The following PCDH11Y variants were observed in gnomAD, a reference collection of about 807,000 sequenced individuals.
PCDH11Y encodes protocadherin-11 Y-linked.
For missense variants in PCDH11Y, 12 were observed against 224.8 expected (o/e 0.05, Z 6.05); for synonymous variants, 9 against 83.6 (o/e 0.11, Z 4.87).
chrY:5,359,750 T>C, intron 2 of PCDH11Y, among the ~76,000 whole-genome samples: 1 of 32,882 alleles, frequency 3.0e-5, no homozygotes, highest in Non-Finnish European at 7.4e-5. Flanking sequence ...CCCATTTTAC[T>C]ATGAACTAAT....
chrY:5,399,251 CCT>C (rs2053229885), intron 2 of PCDH11Y, among the ~76,000 whole-genome samples: 2 of 32,508 alleles, frequency 6.2e-5, no homozygotes, highest in African/African-American at 2.4e-4. Flanking sequence ...CCACTTTTTC[CCT>C]CTGTTTTTGC....
intron 4 of PCDH11Y, among the ~76,000 whole-genome samples, chrY:5,704,720 C>T (rs2053581764): frequency 6.1e-5 from 2 of 32,791 alleles, no homozygotes; most frequent in South Asian, 6.8e-4. Flanking sequence ...TGAGCCACCG[C>T]GCCCGGCCAA....
At chrY:5,377,292 TAGTC>T (rs2053198464) in intron 2 of PCDH11Y, among the ~76,000 whole-genome samples, 1 of 25,362 alleles carries the variant, frequency 3.9e-5, no homozygotes, top group Non-Finnish European at 8.9e-5. Flanking sequence ...TTTTTAGTAT[TAGTC>T]AGATAGTCCA....
intron 2 of PCDH11Y, among the ~76,000 whole-genome samples, chrY:5,125,745 A>ATG (rs755669346): frequency 1.0e-3 from 32 of 31,941 alleles, no homozygotes; most frequent in East Asian, 4.9e-3. Context: ...CTCTATGTGC[A>ATG]TGTGTGTGTG....
chrY:5,094,444 C>G, intron 1 of PCDH11Y, among the ~76,000 whole-genome samples: 1 of 30,779 alleles, frequency 3.2e-5, no homozygotes, highest in East Asian at 8.5e-4. Flanking sequence ...TTATTTATGT[C>G]TTAACCTGTG....
chrY:5,651,740 A>T, intron 4 of PCDH11Y, among the ~76,000 whole-genome samples: 1 of 31,646 alleles, frequency 3.2e-5, no homozygotes. Flanking sequence ...ATGTAAAAAA[A>T]CAACATGAAA....
At chrY:5,288,869 T>C (rs2053063583) in intron 2 of PCDH11Y, among the ~76,000 whole-genome samples, 2 of 30,834 alleles carry the variant, frequency 6.5e-5, no homozygotes, top group African/African-American at 1.3e-4. Flanking sequence ...CACATTTGCA[T>C]TGGCAGCAGT....
chrY:5,448,125 C>T, intron 2 of PCDH11Y, among the ~76,000 whole-genome samples: 1 of 32,384 alleles, frequency 3.1e-5, no homozygotes. Context: ...GTGGTTGTCT[C>T]TTAAACAACA....
chrY:5,315,631 T>C (rs1602903283), intron 2 of PCDH11Y, among the ~76,000 whole-genome samples: 2 of 33,920 alleles, frequency 5.9e-5, no homozygotes, highest in South Asian at 1.3e-3. Context: ...TTGTAATACA[T>C]AATTCATGAA....
At chrY:5,491,400 C>T in intron 2 of PCDH11Y, among the ~76,000 whole-genome samples, 1 of 33,288 alleles carries the variant, frequency 3.0e-5, no homozygotes, top group South Asian at 6.9e-4. Flanking sequence ...TCCGTGTCTT[C>T]TGAGAGGTGC....
intron 1 of PCDH11Y, among the ~76,000 whole-genome samples, chrY:5,086,957 C>T: frequency 3.0e-5 from 1 of 33,123 alleles, no homozygotes; most frequent in African/African-American, 1.2e-4. Flanking sequence ...AGTGGCAAAG[C>T]CAGCTAGGTC....
intron 4 of PCDH11Y, among the ~76,000 whole-genome samples, chrY:5,664,695 C>T (rs2053543655): frequency 3.4e-5 from 1 of 29,490 alleles, no homozygotes; most frequent in Admixed American, 3.1e-4. Flanking sequence ...CTCCGCTTCC[C>T]GGGTTCATGT....
intron 2 of PCDH11Y, among the ~76,000 whole-genome samples, chrY:5,407,674 G>C (rs2124677701): frequency 9.3e-5 from 3 of 32,382 alleles, no homozygotes; most frequent in South Asian, 1.4e-3. Flanking sequence ...AGCACTTTGG[G>C]AGGCCAAGGC....
intron 2 of PCDH11Y, among the ~76,000 whole-genome samples, chrY:5,164,225 C>G: frequency 3.2e-5 from 1 of 31,152 alleles, no homozygotes; most frequent in Middle Eastern, 0.014. Context: ...GATAAGGTCT[C>G]ATTATGTTGC....
At chrY:5,679,824 G>A in intron 4 of PCDH11Y, among the ~76,000 whole-genome samples, 7 of 32,514 alleles carry the variant, frequency 2.2e-4, no homozygotes, top group Admixed American at 2.0e-3. Flanking sequence ...GTGAACATCA[G>A]TGGTGATCTG....
chrY:5,568,623 AT>A (rs2053437101), intron 3 of PCDH11Y, among the ~76,000 whole-genome samples: 6 of 26,247 alleles, frequency 2.3e-4, no homozygotes, highest in African/African-American at 6.1e-4. Flanking sequence ...TCATGTTTTT[AT>A]TAGTATCAGT....
chrY:5,146,517 C>A, intron 2 of PCDH11Y, among the ~76,000 whole-genome samples: 1 of 33,709 alleles, frequency 3.0e-5, no homozygotes, highest in African/African-American at 1.2e-4. Context: ...TAATAAAAAT[C>A]AAAAACAAAT....
At chrY:5,186,789 C>T in intron 2 of PCDH11Y, among the ~76,000 whole-genome samples, 1 of 28,416 alleles carries the variant, frequency 3.5e-5, no homozygotes, top group East Asian at 1.0e-3. Context: ...AAATCACACC[C>T]TTCCAACAGT....
intron 4 of PCDH11Y, among the ~76,000 whole-genome samples, chrY:5,659,497 G>A: frequency 3.2e-5 from 1 of 31,269 alleles, no homozygotes; most frequent in Non-Finnish European, 7.7e-5. Flanking sequence ...ACAATACGAA[G>A]TCCTTCCTGC....
Sources: gnomAD v4.1 joint callset for allele counts (sites outside exome capture counted in the v4.1 genomes callset) on GRCh38, gnomAD v4.1.1 for gene constraint, MANE v1.5 for transcripts, NCBI Gene and HGNC (gene_info 2026-07-23, HGNC 2026-07-21) for gene names.